Variants in ZNF704 observed in about 807,000 individuals in gnomAD.
The protein encoded by ZNF704 is zinc finger protein 704.
A neutral mutation model predicts 44.7 loss-of-function variants in ZNF704; 10 were observed. The ratio of observed to expected loss-of-function variants is 0.22; its 90% CI spans 0.14 to 0.38. The LOEUF (loss-of-function observed/expected upper bound fraction) is 0.38, where lower values mean the gene tolerates loss of function less well. ZNF704 is among the 10% of genes least tolerant of loss of function. The probability of loss-of-function intolerance (pLI) is 1.00; values close to 1 mark genes in which losing one functional copy is unlikely to be tolerated. For missense variants in ZNF704, 390 were observed against 545.5 expected, an observed-to-expected ratio of 0.71 and a Z score of 2.84; for synonymous variants, 211 against 207.6, an observed-to-expected ratio of 1.02 and a Z score of -0.14.
intron 2 of ZNF704, chr8:80,749,771 T>C (rs1806909941): frequency 6.6e-6 from 1 of 152,320 alleles, no homozygotes; most frequent in South Asian, 2.1e-4. Flanking sequence ...AAACACTCAA[T>C]TAGCATTTGG....
intron 1 of ZNF704, among the ~76,000 whole-genome samples, chr8:80,832,988 T>C (rs1411316281): frequency 6.6e-6 from 1 of 152,124 alleles, no homozygotes; most frequent in Non-Finnish European, 1.5e-5. Flanking sequence ...ATTTAAAATA[T>C]GTTACAAAAA....
intron 4 of ZNF704, among the ~76,000 whole-genome samples, chr8:80,679,824 C>G (rs1818424658): frequency 6.6e-6 from 1 of 152,230 alleles, no homozygotes; most frequent in Non-Finnish European, 1.5e-5. Context: ...CTCCTGGAAT[C>G]TCACATATGC....
At chr8:80,750,847 C>T (rs1278416465) in intron 2 of ZNF704, among the ~76,000 whole-genome samples, 2 of 152,180 alleles carry the variant, frequency 1.3e-5, no homozygotes, top group Non-Finnish European at 2.9e-5. Context: ...TGACTAGCAT[C>T]ATCTCAGATG....
At chr8:80,769,969 A>T (rs1807292062) in intron 2 of ZNF704, among the ~76,000 whole-genome samples, 1 of 152,210 alleles carries the variant, frequency 6.6e-6, no homozygotes. Context: ...CCTCACAATC[A>T]TGGCAGAAGG....
intron 6 of ZNF704, 39 bp downstream of exon 6, chr8:80,664,776 A>G: frequency 6.2e-7 from 1 of 1,610,420 alleles, no homozygotes; most frequent in African/African-American, 1.3e-5. Flanking sequence ...GTTTTGGTCA[A>G]GGTCAAAGTG....
intron 4 of ZNF704, among the ~76,000 whole-genome samples, chr8:80,677,380 A>G (rs918215514): frequency 1.3e-5 from 2 of 152,174 alleles, no homozygotes; most frequent in African/African-American, 4.8e-5. Context: ...AAAAATAAAT[A>G]TCATTGGTTT....
intron 1 of ZNF704, among the ~76,000 whole-genome samples, chr8:80,867,422 A>G (rs1809173555): frequency 6.6e-6 from 1 of 152,132 alleles, no homozygotes; most frequent in Non-Finnish European, 1.5e-5. Context: ...ACCAACCCAG[A>G]ACTGAGGACA....
At chr8:80,856,993 A>G (rs887662247) in intron 1 of ZNF704, among the ~76,000 whole-genome samples, 2 of 152,110 alleles carry the variant, frequency 1.3e-5, no homozygotes, top group African/African-American at 2.4e-5. Flanking sequence ...TAGTATATCA[A>G]TTCATTTATT....
intron 2 of ZNF704, among the ~76,000 whole-genome samples, chr8:80,735,699 T>G (rs553263053): frequency 6.6e-6 from 1 of 152,104 alleles, no homozygotes; most frequent in Non-Finnish European, 1.5e-5. Context: ...CCACAACACA[T>G]AGATTATTTT....
At chr8:80,797,537 G>A (rs1238108035) in intron 2 of ZNF704, among the ~76,000 whole-genome samples, 1 of 152,148 alleles carries the variant, frequency 6.6e-6, no homozygotes, top group African/African-American at 2.4e-5. Context: ...ACCTTTCAGA[G>A]TGGCAGGTTG....
intron 2 of ZNF704, among the ~76,000 whole-genome samples, chr8:80,765,585 A>T (rs969515773): frequency 2.0e-5 from 3 of 152,066 alleles, no homozygotes; most frequent in Non-Finnish European, 2.9e-5. Flanking sequence ...ATAGCCGAAA[A>T]CTCACACTAT....
At chr8:80,656,281 G>A (rs552866774) in intron 7 of ZNF704, among the ~76,000 whole-genome samples, 39 of 152,242 alleles carry the variant, frequency 2.6e-4, no homozygotes, top group African/African-American at 6.3e-4. Flanking sequence ...TGAATTGGCC[G>A]ACACGTTGAT....
intron 2 of ZNF704, among the ~76,000 whole-genome samples, chr8:80,730,643 C>A (rs535444006): frequency 1.4e-5 from 2 of 140,228 alleles, no homozygotes; most frequent in Admixed American, 7.3e-5. Flanking sequence ...ATTTTAATTT[C>A]TAAAAAATAG....
At chr8:80,728,344 T>C (rs1183794713) in intron 2 of ZNF704, among the ~76,000 whole-genome samples, 1 of 152,214 alleles carries the variant, frequency 6.6e-6, no homozygotes, top group Non-Finnish European at 1.5e-5. Flanking sequence ...ACAGCTCTTG[T>C]GGATGCATGG....
At chr8:80,856,234 T>C (rs1291448141) in intron 1 of ZNF704, among the ~76,000 whole-genome samples, 2 of 152,086 alleles carry the variant, frequency 1.3e-5, no homozygotes, top group African/African-American at 2.4e-5. Flanking sequence ...GCCAGGATTA[T>C]AGCTATGAGC....
At chr8:80,682,283 T>C (rs566242788) in intron 4 of ZNF704, among the ~76,000 whole-genome samples, 1 of 152,228 alleles carries the variant, frequency 6.6e-6, no homozygotes, top group Non-Finnish European at 1.5e-5. Flanking sequence ...AAATGATTAA[T>C]TGTTTGCTAC....
intron 2 of ZNF704, among the ~76,000 whole-genome samples, chr8:80,730,697 T>A (rs960487988): frequency 1.3e-5 from 2 of 152,160 alleles, no homozygotes; most frequent in Non-Finnish European, 2.9e-5. Flanking sequence ...TCCTTCCATT[T>A]TTTAAAGCTA....
intron 1 of ZNF704, among the ~76,000 whole-genome samples, chr8:80,850,615 G>A (rs1462309178): frequency 1.3e-5 from 2 of 151,968 alleles, no homozygotes; most frequent in Non-Finnish European, 2.9e-5. Context: ...TGCCCAGAAT[G>A]CCATTCATCT....
At chr8:80,722,264 A>AAAAC (rs201783463) in intron 2 of ZNF704, among the ~76,000 whole-genome samples, 4 of 151,250 alleles carry the variant, frequency 2.6e-5, no homozygotes, top group African/African-American at 7.3e-5. Context: ...AAAACAAAAC[A>AAAAC]AAACAAACAA....
Sources: gnomAD v4.1 joint callset for allele counts (sites outside exome capture counted in the v4.1 genomes callset) on GRCh38, gnomAD v4.1.1 for gene constraint, MANE v1.5 for transcripts, NCBI Gene and HGNC (gene_info 2026-07-23, HGNC 2026-07-21) for gene names.